Variants in CNTN4 observed in about 807,000 individuals in gnomAD.
The protein encoded by CNTN4 is contactin 4.
Under a neutral mutation model 122.5 loss-of-function variants are expected in CNTN4, and 77 were observed. The ratio of observed to expected loss-of-function variants is 0.63; its 90% CI spans 0.52 to 0.76. CNTN4 has a LOEUF of 0.76. Among genes scored for constraint, CNTN4 ranks in the 30% least tolerant of loss-of-function variants. The pLI, the probability that CNTN4 is intolerant of heterozygous loss-of-function variation, is 0.00. For missense variants in CNTN4, 1,256 were observed against 1,259.1 expected, an observed-to-expected ratio of 1.00 and a Z score of 0.04; for synonymous variants, 512 against 447.0, an observed-to-expected ratio of 1.15 and a Z score of -1.83.
intron 4 of CNTN4, among the ~76,000 whole-genome samples, chr3:2,687,218 T>C (rs1160815858): frequency 1.1e-4 from 1 of 9,498 alleles, no homozygotes; most frequent in Non-Finnish European, 2.4e-4. Context: ...ATGTCTGCAG[T>C]GCGGCAATAG....
chr3:2,894,101 A>C (rs1418073514), intron 10 of CNTN4, among the ~76,000 whole-genome samples: 1 of 152,204 alleles, frequency 6.6e-6, no homozygotes, highest in African/African-American at 2.4e-5. Flanking sequence ...TGAAAAGAGT[A>C]GCTTGGTTTA....
intron 4 of CNTN4, among the ~76,000 whole-genome samples, chr3:2,730,120 G>A (rs568455359): frequency 1.3e-5 from 2 of 152,180 alleles, no homozygotes; most frequent in African/African-American, 4.8e-5. Flanking sequence ...TCAGACTTTG[G>A]TTTTTTGTGG....
chr3:2,430,070 A>C (rs1367878445), intron 3 of CNTN4, among the ~76,000 whole-genome samples: 1 of 151,758 alleles, frequency 6.6e-6, no homozygotes. Context: ...GGCTGCACCT[A>C]CTGTCCTGTA....
At position 2,300,415 on chromosome 3, in the gene CNTN4, T is replaced by C. The variant is rs533065861; in HGVS notation, c.-144-38763T>C. On this transcript the variant is annotated intron_variant, in intron 2 of 24. Transcript: ENST00000418658. ...GCATGTTTTATCTTAAGCAATACTT[T>C]TTCCTTAAAACCAAAGACATTGAAA... Among the ~76,000 whole-genome samples the C allele has an allele frequency of 1.2e-3, 180 of 152,184 alleles. 1 individual carries two copies. Among genetic ancestry groups the C allele is most frequent in the Non-Finnish European group, 7.5e-4 (51 of 68,002 alleles).
intron 3 of CNTN4, among the ~76,000 whole-genome samples, chr3:2,433,064 C>G (rs2048134903): frequency 6.6e-6 from 1 of 152,076 alleles, no homozygotes; most frequent in Admixed American, 6.6e-5. Context: ...CTCAAGCAAT[C>G]CACCCACCTC....
At chr3:2,212,895 A>G (rs561659368) in intron 2 of CNTN4, among the ~76,000 whole-genome samples, 1 of 152,302 alleles carries the variant, frequency 6.6e-6, no homozygotes, top group South Asian at 2.1e-4. Context: ...ACTGAAAATA[A>G]TATTTCCCAA....
chr3:2,712,309 AT>A (rs905468466), intron 4 of CNTN4, among the ~76,000 whole-genome samples: 42 of 152,202 alleles, frequency 2.8e-4, no homozygotes, highest in Non-Finnish European at 1.6e-4. Context: ...CAATTTAAAA[AT>A]ATATAGCCAC....
intron 2 of CNTN4, among the ~76,000 whole-genome samples, chr3:2,186,287 T>G (rs1035470331): frequency 1.3e-5 from 2 of 152,208 alleles, no homozygotes; most frequent in Admixed American, 1.3e-4. Context: ...TGCATAGTAT[T>G]TCATGGTGTA....
At chr3:2,747,175 C>A (rs940428790) in intron 6 of CNTN4, among the ~76,000 whole-genome samples, 4 of 151,868 alleles carry the variant, frequency 2.6e-5, no homozygotes, top group African/African-American at 9.7e-5. Context: ...TTTGGGAGGC[C>A]GAGGCGGGCG....
chr3:2,561,866 A>T (rs2078971031), intron 3 of CNTN4, among the ~76,000 whole-genome samples: 1 of 152,200 alleles, frequency 6.6e-6, no homozygotes, highest in African/African-American at 2.4e-5. Context: ...TGTACTTGAA[A>T]TGCCATGCTG....
rs869205172 is a variant in CNTN4 at position 2,215,883 on chromosome 3, C to CAA, written c.-145+115267_-145+115268dup. ...GTGTGAACAGAGTGAGCCTCTGTCT[C>CAA]AAAAAAAAAAAAAAAAAAAAAAAAG... is the stretch of plus-strand genomic sequence containing the variant. On this transcript the variant is annotated intron_variant, in intron 2 of 24. Transcript: ENST00000418658. 7.7e-3 allele frequency among the ~76,000 whole-genome samples: 462 copies of CAA among 59,918 alleles called. 25 individuals are homozygous for CAA. The highest frequency in any genetic ancestry group is 0.023 in the African/African-American group (344 of 15,062). 39.3% of individuals were successfully genotyped at this position (59,918 alleles called of 152,430 possible).
rs2086984374 is a variant in CNTN4, at chr3:2,709,551, C to T, written c.56-26664C>T. 6.6e-6 allele frequency among the ~76,000 whole-genome samples: 1 copy of T among 152,248 alleles called. No individual in the cohort carries two copies. Among genetic ancestry groups the T allele is most frequent in the East Asian group, 1.9e-4 (1 of 5,180 alleles). ...ATTTATGCCAGACTTCTAGACCAGT[C>T]TCCTTTCCAATTCCATAAAATGAAC... is the stretch of plus-strand genomic sequence containing the variant. On this transcript the variant is annotated intron_variant, in intron 4 of 24. Transcript: ENST00000418658. The surrounding 1 kb of genome is among the most constrained non-coding windows in gnomAD (Gnocchi z 5.0).
chr3:2,839,882 T>TAGC (rs954972829), intron 7 of CNTN4, among the ~76,000 whole-genome samples: 7 of 152,214 alleles, frequency 4.6e-5, no homozygotes, highest in African/African-American at 1.7e-4. Context: ...ACAGTCCGAA[T>TAGC]AGCAATCTAG....
chr3:2,280,120 T>A (rs939915208), intron 2 of CNTN4, among the ~76,000 whole-genome samples: 9 of 152,034 alleles, frequency 5.9e-5, no homozygotes, highest in African/African-American at 2.2e-4. Context: ...CATGCATTTA[T>A]TTTTTTATTT....
intron 3 of CNTN4, among the ~76,000 whole-genome samples, chr3:2,556,347 C>T (rs1418861174): frequency 6.6e-6 from 1 of 152,080 alleles, no homozygotes; most frequent in African/African-American, 2.4e-5. Flanking sequence ...AATTACACAC[C>T]CTGCCTGTCC....
At chr3:2,368,199 T>G (rs1331723240) in intron 3 of CNTN4, among the ~76,000 whole-genome samples, 1 of 60,714 alleles carries the variant, frequency 1.6e-5, no homozygotes, top group East Asian at 4.1e-4. Context: ...GCCCAGCTAA[T>G]TTTTTTGTAT....
At chr3:2,364,059 T>C (rs1331344117) in intron 3 of CNTN4, among the ~76,000 whole-genome samples, 2 of 152,100 alleles carry the variant, frequency 1.3e-5, no homozygotes, top group Non-Finnish European at 1.5e-5. Flanking sequence ...CTGGATATAG[T>C]GCTATAATAT....
At chr3:2,698,574 A>G (rs1340611664) in intron 4 of CNTN4, among the ~76,000 whole-genome samples, 2 of 152,250 alleles carry the variant, frequency 1.3e-5, no homozygotes, top group Non-Finnish European at 2.9e-5. Flanking sequence ...GTTCTTTGCC[A>G]GTCAGATGTC....
chr3:2,910,410 T>C (rs2094287348), intron 12 of CNTN4, among the ~76,000 whole-genome samples: 1 of 152,214 alleles, frequency 6.6e-6, no homozygotes, highest in African/African-American at 2.4e-5. Flanking sequence ...AAGTCCTTAG[T>C]CCTTTTCATA....
Sources: allele counts gnomAD v4.1 joint callset (sites outside exome capture counted in the v4.1 genomes callset), GRCh38; gene constraint gnomAD v4.1.1; non-coding constraint Gnocchi (gnomAD v3.1); transcripts MANE v1.5; gene names NCBI Gene and HGNC (gene_info 2026-07-23, HGNC 2026-07-21).